The following MYO16 variants were observed in gnomAD, a reference collection of about 807,000 sequenced individuals.
MYO16 encodes the protein myosin XVI, also known as unconventional myosin-XVI.
In MYO16, 94 loss-of-function variants were observed where a neutral mutation model predicts 205.3. The ratio of observed to expected loss-of-function variants is 0.46; its 90% CI spans 0.39 to 0.54. MYO16 has a LOEUF of 0.54. Among genes scored for constraint, MYO16 ranks in the 20% least tolerant of loss-of-function variants. The pLI, the probability that MYO16 is intolerant of heterozygous loss-of-function variation, is 0.00. For missense variants in MYO16, 2,315 were observed against 2,387.5 expected (o/e 0.97, Z 0.63); for synonymous variants, 988 against 954.0 (o/e 1.04, Z -0.66).
intron 6 of MYO16, among the ~76,000 whole-genome samples, chr13:108,798,318 T>G (rs1238359694): frequency 6.6e-6 from 1 of 152,204 alleles, no homozygotes; most frequent in African/African-American, 2.4e-5. Flanking sequence ...CAGTGTTAAA[T>G]TGTTATGTGC....
intron 27 of MYO16, among the ~76,000 whole-genome samples, chr13:109,097,218 A>G (rs1434050842): frequency 6.6e-6 from 1 of 152,104 alleles, no homozygotes; most frequent in African/African-American, 2.4e-5. Context: ...AATCCCATCT[A>G]CTCAGGAGGC....
chr13:108,807,935 T>C (rs184252611), intron 7 of MYO16, among the ~76,000 whole-genome samples: 4 of 152,370 alleles, frequency 2.6e-5, no homozygotes, highest in East Asian at 1.9e-4. Context: ...GAAATGAGTA[T>C]ACATTTCTGC....
At chr13:108,737,046 A>G (rs1020062998) in intron 4 of MYO16, among the ~76,000 whole-genome samples, 3 of 152,184 alleles carry the variant, frequency 2.0e-5, no homozygotes, top group Non-Finnish European at 2.9e-5. Flanking sequence ...GGCTGAGACA[A>G]TGGGGTTTTC....
chr13:108,910,052 T>A lies in MYO16; in HGVS notation c.1827T>A (p.Pro609=). Residue 609 remains proline, a synonymous_variant, in exon 16 of 35, where the codon CCT becomes CCA. Coordinates refer to ENST00000457511, the MANE Select transcript of MYO16 (RefSeq NM_001198950.3). ...AGAAATCCAGACTTGTTTCACAACC[T>A]CTTGGCCAGAGCAATTTTCTCATTT... ...LLEKSRLVSQ[P]LGQSNFLIFY... 1 of 1,613,584 alleles carries A rather than the reference T, an allele frequency of 6.2e-7. No homozygotes were observed. The highest frequency in any genetic ancestry group is 1.7e-4 in the Middle Eastern group (1 of 6,054).
intron 27 of MYO16, among the ~76,000 whole-genome samples, chr13:109,085,474 C>T (rs1470145018): frequency 1.3e-5 from 2 of 152,038 alleles, no homozygotes; most frequent in Non-Finnish European, 1.5e-5. Context: ...GGAATGGGAG[C>T]GAATGACTGG....
chr13:109,190,067 G>C (rs1208902783), intron 34 of MYO16, among the ~76,000 whole-genome samples: 2 of 151,806 alleles, frequency 1.3e-5, no homozygotes, highest in Non-Finnish European at 2.9e-5. Context: ...TGTTATTATA[G>C]TCAAATTGAT....
At chr13:108,578,779 T>A in the MYO16 span, among the ~76,000 whole-genome samples, 1 of 152,154 alleles carries the variant, frequency 6.6e-6, no homozygotes. Flanking sequence ...GGTCCTTTAC[T>A]TTCTAATTGG....
rs188951770 is a variant in MYO16, at chr13:108,610,241, G to C, written c.-39+14002G>C. On this transcript the variant is annotated intron_variant, in intron 1 of 24. Coordinates refer to the MYO16 transcript ENST00000251041. ...GAGTGCACATAAGGACTAACACAGG[G>C]ACTGGACCAGCACACACATAGTCAG... 1.7e-3 allele frequency among the ~76,000 whole-genome samples: 255 copies of C among 152,256 alleles called. 1 individual carries two copies. Among genetic ancestry groups the C allele is most frequent in the Admixed American group, 2.9e-3 (45 of 15,300 alleles).
At chr13:108,854,358 A>G in intron 10 of MYO16, among the ~76,000 whole-genome samples, 1 of 152,072 alleles carries the variant, frequency 6.6e-6, no homozygotes. Context: ...CACTTTATGA[A>G]CTCATGGGAA....
chr13:108,788,269 C>T (rs1886515960), intron 5 of MYO16, among the ~76,000 whole-genome samples: 1 of 152,136 alleles, frequency 6.6e-6, no homozygotes, highest in Non-Finnish European at 1.5e-5. Context: ...CACCGACTTA[C>T]ACTGTAAACT....
At chr13:108,931,905 CCTT>C (rs1240654695) in intron 16 of MYO16, among the ~76,000 whole-genome samples, 4 of 152,076 alleles carry the variant, frequency 2.6e-5, no homozygotes, top group African/African-American at 9.7e-5. Context: ...GAATGTTCCC[CCTT>C]CTTCATTTTT....
At chr13:108,769,576 T>C (rs1171651778) in intron 4 of MYO16, among the ~76,000 whole-genome samples, 1 of 152,010 alleles carries the variant, frequency 6.6e-6, no homozygotes, top group African/African-American at 2.4e-5. Flanking sequence ...CTGCAAAAGG[T>C]TTTGAGGTGG....
chr13:108,713,270 T>C (rs1883795569), intron 3 of MYO16, among the ~76,000 whole-genome samples: 1 of 152,172 alleles, frequency 6.6e-6, no homozygotes, highest in Admixed American at 6.5e-5. Flanking sequence ...GAGGTAAAAG[T>C]CAACAAGTAT....
At chr13:108,720,485 C>T in intron 3 of MYO16, among the ~76,000 whole-genome samples, 1 of 152,166 alleles carries the variant, frequency 6.6e-6, no homozygotes. Context: ...AACTCATAAA[C>T]ATAGGACAAA....
chr13:108,971,480 T>C (rs1253073061), intron 20 of MYO16, among the ~76,000 whole-genome samples: 1 of 148,236 alleles, frequency 6.7e-6, no homozygotes, highest in Non-Finnish European at 1.5e-5. Context: ...AGAGGGTTAT[T>C]TGAGTATACT....
intron 1 of MYO16, among the ~76,000 whole-genome samples, chr13:108,650,837 T>C (rs1231948502): frequency 6.6e-6 from 1 of 152,158 alleles, no homozygotes; most frequent in African/African-American, 2.4e-5. Context: ...GTGTGCAGCA[T>C]ATGACGCTTC....
the MYO16 span, among the ~76,000 whole-genome samples, chr13:108,540,014 G>C: frequency 6.6e-6 from 1 of 152,022 alleles, no homozygotes; most frequent in African/African-American, 2.4e-5. Context: ...ACCAATGTTT[G>C]TCACTAAAAT....
At chr13:108,762,521 A>G (rs1885643557) in intron 4 of MYO16, among the ~76,000 whole-genome samples, 1 of 152,138 alleles carries the variant, frequency 6.6e-6, no homozygotes, top group African/African-American at 2.4e-5. Context: ...AACAATAGCC[A>G]TTCTGACAGG....
the MYO16 span, among the ~76,000 whole-genome samples, chr13:108,570,322 C>A: frequency 6.6e-6 from 1 of 152,030 alleles, no homozygotes; most frequent in East Asian, 1.9e-4. Context: ...AATCATAGCT[C>A]ACTGCAGACT....
Sources: allele counts gnomAD v4.1 joint callset (sites outside exome capture counted in the v4.1 genomes callset), GRCh38; gene constraint gnomAD v4.1.1; transcripts MANE v1.5; gene names NCBI Gene and HGNC (gene_info 2026-07-23, HGNC 2026-07-21).